Variants in GALNT2 observed in about 807,000 individuals in gnomAD.
The protein encoded by GALNT2 is UDP-GalNAc:polypeptide N-acetylgalactosaminyltransferase 2.
Under a neutral mutation model 81.4 loss-of-function variants are expected in GALNT2, and 31 were observed. The observed-to-expected ratio is 0.38, with a 90% CI of 0.29 to 0.51. GALNT2 has a LOEUF of 0.51. Ranked by LOEUF, GALNT2 falls within the 20% of genes least tolerant of loss-of-function variation. The probability of loss-of-function intolerance (pLI) is 0.87; values close to 1 mark genes in which losing one functional copy is unlikely to be tolerated. For missense variants in GALNT2, 629 were observed against 765.7 expected, an observed-to-expected ratio of 0.82 and a Z score of 2.11; for synonymous variants, 303 against 287.4, an observed-to-expected ratio of 1.05 and a Z score of -0.55.
In GALNT2 at chr1:230,257,671, A is replaced by G. The variant is rs1334043984; in HGVS notation, c.1136+2327A>G. On this transcript the variant is annotated intron_variant, in intron 11 of 15. Transcript: ENST00000366672. The surrounding 1 kb of genome is among the most constrained non-coding windows in gnomAD (Gnocchi z 4.6). ...GCATTTTTCAGGTTGTATCCCTCTC[A>G]TTAAGCAGCACCTGGCTGTACCTGG... 6.6e-6 allele frequency among the ~76,000 whole-genome samples: 1 copy of G among 152,198 alleles called. No individual in the cohort carries two copies. The highest frequency in any genetic ancestry group is 1.5e-5 in the Non-Finnish European group (1 of 68,032).
At chr1:230,155,815 C>T (rs539247087) in intron 1 of GALNT2, among the ~76,000 whole-genome samples, 109 of 152,294 alleles carry the variant, frequency 7.2e-4, no homozygotes, top group South Asian at 4.4e-3. Flanking sequence ...CTCTGAGGGT[C>T]GCTAAGACAT....
At chr1:230,252,204 A>G (rs550584470) in intron 10 of GALNT2, among the ~76,000 whole-genome samples, 1 of 152,236 alleles carries the variant, frequency 6.6e-6, no homozygotes, top group African/African-American at 2.4e-5. Flanking sequence ...GGGGCCGTGC[A>G]CACTACTAGC....
Position 230,076,633 on chromosome 1 carries a change from G to A in GALNT2, c.126+9227G>A, listed in dbSNP as rs181566722. Reference sequence around the variant, plus strand: ...ACTTCATGGCCAATCTCAGGGAGGCGGAACTGTGGGAAGTTGTGGCTGGTC... The same window carrying A: ...ACTTCATGGCCAATCTCAGGGAGGCAGAACTGTGGGAAGTTGTGGCTGGTC... On this transcript the variant is annotated intron_variant, in intron 1 of 15. Transcript: ENST00000366672. 6.8e-4 allele frequency among the ~76,000 whole-genome samples: 103 copies of A among 152,264 alleles called. 1 individual carries two copies. The highest frequency in any genetic ancestry group is 1.8e-3 in the African/African-American group (75 of 41,552).
chr1:230,067,261 C>G lies in GALNT2; in HGVS notation c.-20C>G. 1 of 1,289,560 alleles carries G rather than the reference C, an allele frequency of 7.8e-7. No individual in the cohort carries two copies. Among genetic ancestry groups the G allele is most frequent in the Non-Finnish European group, 9.9e-7 (1 of 1,010,062 alleles). The allele number at this position is 1,289,560 out of a possible 1,614,324, so 79.9% of individuals were successfully genotyped here. A position where few individuals can be genotyped will look rare whatever the true frequency, so the allele number is the denominator to read the frequency against. ...GCACTCGCGAGCAGCGGCGGCCCCG[C>G]CGGCGGCCGAGTTGGGAGAATGCGG... is the stretch of plus-strand genomic sequence containing the variant. On this transcript the variant is annotated 5_prime_UTR_variant, in exon 1 of 16. Transcript: ENST00000366672.
At chr1:230,058,233 G>A (rs1314538429) in intron 1 of GALNT2, among the ~76,000 whole-genome samples, 19 of 152,308 alleles carry the variant, frequency 1.2e-4, no homozygotes, top group African/African-American at 4.3e-4. Flanking sequence ...GCCTGGGCTG[G>A]TGAAGCATCA....
chr1:230,128,186 C>CT (rs1446257302), intron 1 of GALNT2, among the ~76,000 whole-genome samples: 1 of 152,116 alleles, frequency 6.6e-6, no homozygotes, highest in Non-Finnish European at 1.5e-5. Context: ...GCCATCTGTC[C>CT]TATAGCATAG....
intron 3 of GALNT2, among the ~76,000 whole-genome samples, chr1:230,224,605 G>C (rs1403959181): frequency 1.3e-5 from 2 of 152,218 alleles, no homozygotes; most frequent in East Asian, 1.9e-4. Context: ...AGCTTCAAGG[G>C]GAAACCTAAT....
At chr1:230,184,292 C>A (rs974918139) in intron 2 of GALNT2, among the ~76,000 whole-genome samples, 5 of 151,692 alleles carry the variant, frequency 3.3e-5, no homozygotes, top group Admixed American at 2.0e-4. Flanking sequence ...AGGTTCATGC[C>A]ATTCTCCTGC....
chr1:230,255,247 G>A lies in GALNT2; in HGVS notation c.1039G>A (p.Gly347Ser), dbSNP rs1205731880. Residue 347 changes from glycine (G) to serine (S), a missense_variant, in exon 11 of 16, where the codon GGC becomes AGC. Coordinates refer to ENST00000366672, the MANE Select transcript of GALNT2 (RefSeq NM_004481.5). ...CTCGTTCCGCGTGTGGCAGTGTGGT[G>A]GCAGCCTGGAGATCATCCCGTGCAG... ...EISFRVWQCG[G>S]SLEIIPCSRV... 1 of 1,614,242 alleles carries A rather than the reference G, an allele frequency of 6.2e-7. No individual in the cohort carries two copies.
intron 14 of GALNT2, among the ~76,000 whole-genome samples, chr1:230,270,634 G>A (rs1471697942): frequency 6.6e-6 from 1 of 152,206 alleles, no homozygotes; most frequent in Non-Finnish European, 1.5e-5. Context: ...CCGATAGAAA[G>A]TGATGCTTTT....
intron 1 of GALNT2, among the ~76,000 whole-genome samples, chr1:230,176,190 T>C (rs1392327692): frequency 6.6e-6 from 1 of 152,096 alleles, no homozygotes; most frequent in Non-Finnish European, 1.5e-5. Context: ...CCTGCACTAG[T>C]TTTATAGTAG....
At chr1:230,215,304 C>T (rs529702841) in intron 3 of GALNT2, among the ~76,000 whole-genome samples, 7 of 152,228 alleles carry the variant, frequency 4.6e-5, no homozygotes, top group Admixed American at 1.3e-4. Context: ...CGCTTCTGCT[C>T]GGCTCAGTCG....
intron 1 of GALNT2, among the ~76,000 whole-genome samples, chr1:230,145,527 T>C (rs569928297): frequency 6.6e-6 from 1 of 152,386 alleles, no homozygotes; most frequent in Non-Finnish European, 1.5e-5. Flanking sequence ...TACAGACTTT[T>C]AGAGAATGCA....
At chr1:230,139,642 G>A (rs12043070) in intron 1 of GALNT2, among the ~76,000 whole-genome samples, 11,256 of 152,344 alleles carry the variant, frequency 0.074, 533 homozygotes, top group Non-Finnish European at 0.11. Flanking sequence ...CCAATGGAAA[G>A]AGCAGTAGAA....
At chr1:230,194,009 C>T (rs899867309) in intron 2 of GALNT2, among the ~76,000 whole-genome samples, 8 of 152,086 alleles carry the variant, frequency 5.3e-5, no homozygotes, top group East Asian at 1.9e-4. Context: ...TCTCCAGCCT[C>T]GATAAGATGG....
chr1:230,168,127 G>A (rs544088786), intron 1 of GALNT2, among the ~76,000 whole-genome samples: 2 of 152,214 alleles, frequency 1.3e-5, no homozygotes, highest in South Asian at 2.1e-4. Context: ...CTGGGGAGGC[G>A]GTGGACTCGG....
chr1:230,188,362 A>G (rs1663411342), intron 2 of GALNT2, among the ~76,000 whole-genome samples: 1 of 152,206 alleles, frequency 6.6e-6, no homozygotes. Flanking sequence ...GCTGGAAGTC[A>G]TGGAATGGGG....
chr1:230,171,282 T>C (rs938462132), intron 1 of GALNT2, among the ~76,000 whole-genome samples: 1 of 152,270 alleles, frequency 6.6e-6, no homozygotes, highest in Non-Finnish European at 1.5e-5. Flanking sequence ...TTAGTTAGTT[T>C]GTAATGTCTT....
chr1:230,190,950 A>G (rs1002035637), intron 2 of GALNT2, among the ~76,000 whole-genome samples: 1 of 152,154 alleles, frequency 6.6e-6, no homozygotes, highest in African/African-American at 2.4e-5. Context: ...TAAAAGTGAA[A>G]TTGCAGGGTC....
Sources: gnomAD v4.1 joint callset for allele counts (sites outside exome capture counted in the v4.1 genomes callset) on GRCh38, gnomAD v4.1.1 for gene constraint, Gnocchi (gnomAD v3.1) non-coding constraint, MANE v1.5 for transcripts, NCBI Gene and HGNC (gene_info 2026-07-23, HGNC 2026-07-21) for gene names.